Variants in MORF4L2 observed in about 807,000 individuals in gnomAD.
MORF4L2 encodes mortality factor 4-like protein 2.
Under a neutral mutation model 12.0 loss-of-function variants are expected in MORF4L2, and 1 was observed. That is an observed-to-expected ratio of 0.08 (90% CI 0.03 to 0.40). The LOEUF (loss-of-function observed/expected upper bound fraction) is 0.40. Among genes scored for constraint, MORF4L2 ranks in the 10% least tolerant of loss-of-function variants. The pLI is 0.98. For synonymous variants in MORF4L2, 69 were observed against 81.6 expected (o/e 0.85, Z 0.83); for missense variants, 123 against 214.0 (o/e 0.57, Z 2.65).
chrX:103,683,925 C>T (rs1193816469), intron 2 of MORF4L2, among the ~76,000 whole-genome samples: 2 of 111,439 alleles, frequency 1.8e-5, no homozygotes, highest in African/African-American at 6.5e-5. Flanking sequence ...TAAATGGTCT[C>T]ATGTAAAGGT....
intron 2 of MORF4L2, among the ~76,000 whole-genome samples, chrX:103,679,860 CAAAAAAA>C (rs1157909391): frequency 6.3e-4 from 30 of 47,739 alleles, no homozygotes; most frequent in African/African-American, 9.3e-4. Context: ...CACCTGTGGG[CAAAAAAA>C]AAAAAAAAAA....
At chrX:103,683,887 C>G (rs2074041524) in intron 2 of MORF4L2, among the ~76,000 whole-genome samples, 1 of 110,737 alleles carries the variant, frequency 9.0e-6, no homozygotes, top group African/African-American at 3.3e-5. Context: ...AACAGTCCAC[C>G]CCTTACCTTT....
At chrX:103,687,019 T>G (rs1348367799), upstream of MORF4L2, among the ~76,000 whole-genome samples, 1 of 109,272 alleles carries the variant, frequency 9.2e-6, no homozygotes, top group Non-Finnish European at 1.9e-5. Flanking sequence ...CGTTGGGTCA[T>G]AAGTCTACAG....
At chrX:103,686,021 T>C (rs2074095031) in intron 1 of MORF4L2, among the ~76,000 whole-genome samples, 1 of 110,592 alleles carries the variant, frequency 9.0e-6, no homozygotes, top group Admixed American at 9.7e-5. Context: ...TTAAACATAT[T>C]TTTACAGTTG....
At chrX:103,685,329 C>T (rs1357851110) in intron 1 of MORF4L2, 69 bp from the exon 2 acceptor site, 1 of 112,281 alleles carries the variant, frequency 8.9e-6, no homozygotes, top group African/African-American at 3.2e-5. Flanking sequence ...CTTTCTTCTA[C>T]ATCAGCCAAT....
intron 2 of MORF4L2, among the ~76,000 whole-genome samples, chrX:103,680,571 C>G (rs1018800703): frequency 8.9e-6 from 1 of 112,479 alleles, no homozygotes; most frequent in Non-Finnish European, 1.9e-5. Flanking sequence ...AGACCAGATA[C>G]AGTATCTGAA....
upstream of MORF4L2, chrX:103,687,940 C>T (rs959565749): frequency 8.9e-6 from 1 of 111,765 alleles, no homozygotes; most frequent in Non-Finnish European, 1.9e-5. Context: ...CGACAGCCTT[C>T]CCCTCCGTTA....
intron 1 of MORF4L2, among the ~76,000 whole-genome samples, chrX:103,686,157 A>G (rs901385387): frequency 3.3e-4 from 32 of 96,877 alleles, no homozygotes; most frequent in African/African-American, 1.1e-3. Flanking sequence ...TAACTTTTCA[A>G]TATAGGAAAA....
In MORF4L2 at chrX:103,675,575, G is replaced by T. The variant is rs925811280; in HGVS notation, c.*586C>A. The T allele has an allele frequency of 8.9e-6, 1 of 112,440 alleles. No individual in the cohort carries two copies. Among genetic ancestry groups the T allele is most frequent in the Non-Finnish European group, 1.9e-5 (1 of 53,246 alleles). 9.3% of individuals were successfully genotyped at this position (112,440 alleles called of 1,213,427 possible). On this transcript the variant is annotated 3_prime_UTR_variant, in exon 4 of 4. Coordinates refer to ENST00000441076, the MANE Select transcript of MORF4L2 (RefSeq NM_012286.3). ...AAAATATCAACTTTTCCAGAAAACC[G>T]TGGCTACACAATAATGCATTGCCTC...
intron 2 of MORF4L2, among the ~76,000 whole-genome samples, chrX:103,679,011 C>T (rs2073913414): frequency 8.9e-6 from 1 of 111,976 alleles, no homozygotes; most frequent in Non-Finnish European, 1.9e-5. Flanking sequence ...GTGGTGTTTG[C>T]AATACTGAAG....
intron 3 of MORF4L2, among the ~76,000 whole-genome samples, chrX:103,678,111 A>C (rs187965895): frequency 0.018 from 1,986 of 110,322 alleles, 45 homozygotes; most frequent in African/African-American, 0.061. Flanking sequence ...CCCAAAACAA[A>C]AAAAAAAAAA....
chrX:103,679,717 C>A (rs1270803840), intron 2 of MORF4L2, among the ~76,000 whole-genome samples: 1 of 108,660 alleles, frequency 9.2e-6, no homozygotes, highest in Non-Finnish European at 1.9e-5. Flanking sequence ...TAGCCTTAAA[C>A]CAGGTTTCTC....
rs2074115645 is a variant in MORF4L2, at chrX:103,686,620, C to G, written c.-268+11G>C. The G allele has an allele frequency of 9.5e-6, 1 of 105,398 alleles. No homozygotes were observed. The highest frequency in any genetic ancestry group is 3.5e-5 in the African/African-American group (1 of 28,502). The allele number at this position is 105,398 out of a possible 1,213,427, so 8.7% of individuals were successfully genotyped here. A position where few individuals can be genotyped will look rare whatever the true frequency, so the allele number is the denominator to read the frequency against. On this transcript the variant is annotated intron_variant, in intron 1 of 3. Coordinates refer to ENST00000441076, the MANE Select transcript of MORF4L2 (RefSeq NM_012286.3). ...ATCATCGACCCTTTCTCCCCACCCC[C>G]ACCCCGAAACCTGAAACGAGAATCC... is the stretch of plus-strand genomic sequence containing the variant.
chrX:103,682,103 T>TTATTTAA (rs1192374957), intron 2 of MORF4L2, among the ~76,000 whole-genome samples: 2 of 111,731 alleles, frequency 1.8e-5, no homozygotes, highest in African/African-American at 6.5e-5. Context: ...TAGCATGCAT[T>TTATTTAA]TATTTAATTT....
rs767913853 is a variant in MORF4L2 at position 103,681,430 on chromosome X, T to C, written c.-177-2779A>G. Among the ~76,000 whole-genome samples, 13 of 112,155 alleles carry C rather than the reference T, an allele frequency of 1.2e-4. 1 individual carries two copies. Among genetic ancestry groups the C allele is most frequent in the Admixed American group, 9.5e-5 (1 of 10,562 alleles). On this transcript the variant is annotated intron_variant, in intron 2 of 3. Transcript: ENST00000441076. ...CATCCATTTTGAGTCATATAATAGATATTCTGTCAAATGAGCATACCTTAA... is the reference window on the plus strand; with the variant it reads ...CATCCATTTTGAGTCATATAATAGACATTCTGTCAAATGAGCATACCTTAA...
chrX:103,677,971 C>A (rs890019032), intron 3 of MORF4L2, among the ~76,000 whole-genome samples: 1 of 110,791 alleles, frequency 9.0e-6, no homozygotes, highest in African/African-American at 3.3e-5. Context: ...TGATAATACT[C>A]CTCCATTTAC....
At chrX:103,679,840 T>C (rs748067771) in intron 2 of MORF4L2, among the ~76,000 whole-genome samples, 54 of 88,810 alleles carry the variant, frequency 6.1e-4, no homozygotes, top group Admixed American at 2.6e-3. Flanking sequence ...TAAGAAATGT[T>C]TGTTAGTAGC....
chrX:103,681,573 CCTTT>C (rs1445744816), intron 2 of MORF4L2, among the ~76,000 whole-genome samples: 1 of 111,012 alleles, frequency 9.0e-6, no homozygotes, highest in Non-Finnish European at 1.9e-5. Flanking sequence ...TCCTTTTGTT[CCTTT>C]AAGACTCTCA....
rs1157909391 is a variant in MORF4L2 at position 103,679,860 on chromosome X, C to CAA, written c.-177-1211_-177-1210dup. ...AATGTTTGTTAGTAGCACCTGTGGGCAAAAAAAAAAAAAAAAAAAAAAAAA... is the reference window on the plus strand; with the variant it reads ...AATGTTTGTTAGTAGCACCTGTGGGCAAAAAAAAAAAAAAAAAAAAAAAAAAA... On this transcript the variant is annotated intron_variant, in intron 2 of 3. Coordinates refer to ENST00000441076, the MANE Select transcript of MORF4L2 (RefSeq NM_012286.3). Among the ~76,000 whole-genome samples the CAA allele has an allele frequency of 6.6e-3, 315 of 47,619 alleles. 1 individual carries two copies. Among genetic ancestry groups the CAA allele is most frequent in the Non-Finnish European group, 9.2e-3 (265 of 28,848 alleles). The allele number at this position is 47,619 out of a possible 115,157, so 41.4% of individuals were successfully genotyped here.
Sources: allele counts gnomAD v4.1 joint callset (sites outside exome capture counted in the v4.1 genomes callset), GRCh38; gene constraint gnomAD v4.1.1; transcripts MANE v1.5; gene names NCBI Gene and HGNC (gene_info 2026-07-23, HGNC 2026-07-21).